Variants in KCNK10 observed in about 807,000 individuals in gnomAD.
KCNK10 encodes the protein potassium channel subfamily K member 10.
Under a neutral mutation model 47.7 loss-of-function variants are expected in KCNK10, and 25 were observed. The ratio of observed to expected loss-of-function variants is 0.52; its 90% CI spans 0.38 to 0.73. The LOEUF is 0.73. Ranked by LOEUF, KCNK10 falls within the 30% of genes least tolerant of loss-of-function variation. The probability of loss-of-function intolerance (pLI) is 0.00; values close to 1 mark genes in which losing one functional copy is unlikely to be tolerated. For missense variants in KCNK10, 563 were observed against 714.5 expected, an observed-to-expected ratio of 0.79 and a Z score of 2.42; for synonymous variants, 303 against 285.6, an observed-to-expected ratio of 1.06 and a Z score of -0.61.
chr14:88,201,945 CT>C (rs1885115706), intron 4 of KCNK10, among the ~76,000 whole-genome samples: 1 of 152,206 alleles, frequency 6.6e-6, no homozygotes, highest in South Asian at 2.1e-4. Flanking sequence ...GTGCCCTACC[CT>C]TTGGTAGGGT....
Position 88,204,561 on chromosome 14 carries a change from C to A in KCNK10, c.682-12151G>T, listed in dbSNP as rs1457426680. ...CACTTCTGAGGAAACTGTCAGGGAC[C>A]CCACCCCCCGCCATTTCCCCCAACT... is the stretch of plus-strand genomic sequence containing the variant. On this transcript the variant is annotated intron_variant, in intron 4 of 6. Coordinates refer to ENST00000319231, the MANE Select transcript of KCNK10 (RefSeq NM_138317.3). Among the ~76,000 whole-genome samples the A allele has an allele frequency of 5.3e-5, 8 of 150,666 alleles. No individual in the cohort carries two copies. The East Asian group carries it at 1.6e-3, about 30-fold the overall frequency.
chr14:88,313,880 C>T (rs1888375403), intron 1 of KCNK10, among the ~76,000 whole-genome samples: 3 of 152,198 alleles, frequency 2.0e-5, no homozygotes, highest in Admixed American at 2.0e-4. Context: ...ACGTATCATC[C>T]TGCAAACTGA....
At chr14:88,279,364 C>CGTGTGTGTGTGTGT (rs58319931) in intron 1 of KCNK10, among the ~76,000 whole-genome samples, 7 of 137,578 alleles carry the variant, frequency 5.1e-5, no homozygotes, top group Non-Finnish European at 9.4e-5. Flanking sequence ...TTGCCAGATA[C>CGTGTGTGTGTGTGT]GTGTGTGTGT....
intron 1 of KCNK10, among the ~76,000 whole-genome samples, chr14:88,309,235 G>A (rs940880470): frequency 3.3e-5 from 5 of 152,180 alleles, no homozygotes; most frequent in African/African-American, 7.2e-5. Context: ...TCTCAGAACC[G>A]ATATGCTCCA....
intron 4 of KCNK10, 38 bp downstream of exon 4, chr14:88,227,337 T>A: frequency 6.5e-7 from 1 of 1,541,928 alleles, no homozygotes; most frequent in South Asian, 1.3e-5. Context: ...GCCAACTGGA[T>A]CACAGTGGTT....
intron 2 of KCNK10, among the ~76,000 whole-genome samples, chr14:88,248,723 T>A (rs1422584740): frequency 2.6e-5 from 4 of 151,484 alleles, no homozygotes; most frequent in Non-Finnish European, 5.9e-5. Flanking sequence ...AAGACTGCCC[T>A]TTACAGAACA....
chr14:88,261,390 T>C (rs867684645), intron 2 of KCNK10, among the ~76,000 whole-genome samples: 49 of 152,344 alleles, frequency 3.2e-4, no homozygotes, highest in African/African-American at 1.1e-3. Context: ...TATAGCATGC[T>C]AGGCTTTAAA....
At chr14:88,254,699 A>C (rs1000289382) in intron 2 of KCNK10, among the ~76,000 whole-genome samples, 9 of 152,204 alleles carry the variant, frequency 5.9e-5, no homozygotes, top group African/African-American at 2.2e-4. Flanking sequence ...CAGGGAGATA[A>C]GCAATTGCGG....
At chr14:88,258,579 G>C (rs566090801) in intron 2 of KCNK10, among the ~76,000 whole-genome samples, 37 of 152,256 alleles carry the variant, frequency 2.4e-4, no homozygotes, top group African/African-American at 8.7e-4. Flanking sequence ...GTGAGCCACC[G>C]AACCCGGCCG....
intron 2 of KCNK10, among the ~76,000 whole-genome samples, chr14:88,246,023 A>T (rs2139897245): frequency 6.6e-6 from 1 of 152,276 alleles, no homozygotes; most frequent in South Asian, 2.1e-4. Flanking sequence ...TTAGCCAGGG[A>T]TTGAGGCAGG....
At chr14:88,213,921 T>TTTATTATTATTAGTA (rs372858787) in intron 4 of KCNK10, among the ~76,000 whole-genome samples, 77 of 126,418 alleles carry the variant, frequency 6.1e-4, no homozygotes, top group African/African-American at 2.0e-3. Flanking sequence ...TTTATTTTAC[T>TTTATTATTATTAGTA]TTATTATTAT....
At chr14:88,268,901 C>G (rs1887338333) in intron 1 of KCNK10, among the ~76,000 whole-genome samples, 1 of 152,194 alleles carries the variant, frequency 6.6e-6, no homozygotes, top group Non-Finnish European at 1.5e-5. Context: ...GTGGCTCACA[C>G]CTGTAATCCC....
At chr14:88,250,103 T>C (rs535083694) in intron 2 of KCNK10, among the ~76,000 whole-genome samples, 2 of 152,194 alleles carry the variant, frequency 1.3e-5, no homozygotes, top group South Asian at 4.1e-4. Context: ...TGGGTTTTGG[T>C]TTTATTTTTA....
In KCNK10 at chr14:88,186,950, G is replaced by C. The variant is rs751477812; in HGVS notation, c.1012-795C>G. Among the ~76,000 whole-genome samples, 2 of 152,204 alleles carry C rather than the reference G, an allele frequency of 1.3e-5. No homozygotes were observed. Among genetic ancestry groups the C allele is most frequent in the Non-Finnish European group, 2.9e-5 (2 of 68,044 alleles). On this transcript the variant is annotated intron_variant, in intron 6 of 6. Coordinates refer to ENST00000319231, the MANE Select transcript of KCNK10 (RefSeq NM_138317.3). This position sits in a 1 kb window ranked among gnomAD's most constrained non-coding sequence, Gnocchi z 5.5. The stretch of plus-strand genomic sequence containing the variant: ...CAAATTTCTTGGCTCTTAATGAACA[G>C]GGCAGACAGTATAAGTCCCATGCTT...
intron 3 of KCNK10, among the ~76,000 whole-genome samples, chr14:88,236,908 G>A (rs116040063): frequency 0.022 from 3,410 of 152,242 alleles, 115 homozygotes; most frequent in African/African-American, 0.077. Context: ...TGATCAGGGC[G>A]GTGACTGTTG....
intron 2 of KCNK10, among the ~76,000 whole-genome samples, chr14:88,261,987 T>C (rs1013904573): frequency 1.3e-5 from 2 of 152,204 alleles, no homozygotes; most frequent in Non-Finnish European, 2.9e-5. Context: ...ATATGATTGC[T>C]ATGAAGGTGC....
chr14:88,249,066 C>T (rs892991112), intron 2 of KCNK10, among the ~76,000 whole-genome samples: 4 of 152,276 alleles, frequency 2.6e-5, no homozygotes, highest in Middle Eastern at 6.8e-3. Context: ...ACCTTCTAAA[C>T]ATTTTTCTAA....
At chr14:88,193,915 G>A (rs1450786593) in intron 4 of KCNK10, among the ~76,000 whole-genome samples, 1 of 152,186 alleles carries the variant, frequency 6.6e-6, no homozygotes, top group African/African-American at 2.4e-5. Flanking sequence ...AAAATGGGCA[G>A]TCCTCTGTCC....
intron 3 of KCNK10, among the ~76,000 whole-genome samples, chr14:88,234,143 A>G (rs1886230601): frequency 6.6e-6 from 1 of 152,176 alleles, no homozygotes; most frequent in South Asian, 2.1e-4. Flanking sequence ...TTTTGCCCGT[A>G]TACTAAATGG....
Sources: gnomAD v4.1 joint callset for allele counts (sites outside exome capture counted in the v4.1 genomes callset) on GRCh38, gnomAD v4.1.1 for gene constraint, Gnocchi (gnomAD v3.1) non-coding constraint, MANE v1.5 for transcripts, NCBI Gene and HGNC (gene_info 2026-07-23, HGNC 2026-07-21) for gene names.